The following TOX variants were observed in gnomAD, a reference collection of about 807,000 sequenced individuals.
TOX encodes the protein thymocyte selection associated high mobility group box, also known as thymocyte selection-associated high mobility group box protein TOX.
A neutral mutation model predicts 53.7 loss-of-function variants in TOX; 11 were observed. The ratio of observed to expected loss-of-function variants is 0.20; its 90% CI spans 0.13 to 0.34. The LOEUF is 0.34. Ranked by LOEUF, TOX falls within the 10% of genes least tolerant of loss-of-function variation. TOX has a pLI of 1.00. For missense variants in TOX, 570 were observed against 664.6 expected (o/e 0.86, Z 1.56); for synonymous variants, 225 against 245.3 (o/e 0.92, Z 0.77).
At chr8:58,919,472 A>C (rs1412640701) in intron 3 of TOX, among the ~76,000 whole-genome samples, 4 of 24,860 alleles carry the variant, frequency 1.6e-4, no homozygotes, top group East Asian at 1.7e-3. Flanking sequence ...TCCCTATTTA[A>C]TAAATGGTGC....
At chr8:59,107,402 A>G (rs1323589576) in intron 1 of TOX, among the ~76,000 whole-genome samples, 1 of 152,172 alleles carries the variant, frequency 6.6e-6, no homozygotes, top group Non-Finnish European at 1.5e-5. Flanking sequence ...ATCCATAAAA[A>G]CAGGACCCAG....
intron 2 of TOX, among the ~76,000 whole-genome samples, chr8:58,956,571 T>C (rs1812711164): frequency 1.3e-5 from 2 of 152,202 alleles, no homozygotes; most frequent in South Asian, 4.1e-4. Flanking sequence ...ACAGCTAAAA[T>C]GTACTCACTT....
chr8:59,021,108 C>CAAAA (rs35493437), intron 1 of TOX, among the ~76,000 whole-genome samples: 68 of 91,652 alleles, frequency 7.4e-4, no homozygotes, highest in East Asian at 9.3e-4. Context: ...GACCCTGTCT[C>CAAAA]AAAAAAAAAA....
Position 58,915,253 on chromosome 8 carries a change from A to G in TOX, c.411+24049T>C, listed in dbSNP as rs1286677170. On this transcript the variant is annotated intron_variant, in intron 3 of 8. Coordinates refer to ENST00000361421, the MANE Select transcript of TOX (RefSeq NM_014729.3). ...TAGGCTCCACCTCTGGGGGCAGGGCACAGACAAACAAAAAGACAGCAGTAA... is the reference window on the plus strand; with the variant it reads ...TAGGCTCCACCTCTGGGGGCAGGGCGCAGACAAACAAAAAGACAGCAGTAA... Among the ~76,000 whole-genome samples, 138 of 145,186 alleles carry G rather than the reference A, an allele frequency of 9.5e-4. 1 individual carries two copies. Among genetic ancestry groups the G allele is most frequent in the Middle Eastern group, 3.5e-3 (1 of 284 alleles).
intron 2 of TOX, among the ~76,000 whole-genome samples, chr8:58,956,001 C>T (rs1306373752): frequency 1.3e-5 from 2 of 152,036 alleles, no homozygotes; most frequent in African/African-American, 4.8e-5. Context: ...TCCCAAAGTG[C>T]TGGGATTACA....
rs1447240655 is a variant in TOX at position 58,998,618 on chromosome 8, A to ATGTAATAAATTTATG, written c.103-38611_103-38610insCATAAATTTATTACA. Among the ~76,000 whole-genome samples the ATGTAATAAATTTATG allele has an allele frequency of 1.3e-3, 163 of 121,392 alleles. 3 individuals are homozygous for ATGTAATAAATTTATG. Among genetic ancestry groups the ATGTAATAAATTTATG allele is most frequent in the South Asian group, 3.4e-3 (12 of 3,522 alleles). The allele number at this position is 121,392 out of a possible 152,430, so 79.6% of individuals were successfully genotyped here. A position where few individuals can be genotyped will look rare whatever the true frequency, so the allele number is the denominator to read the frequency against. On this transcript the variant is annotated intron_variant, in intron 1 of 8. Coordinates refer to ENST00000361421, the MANE Select transcript of TOX (RefSeq NM_014729.3). ...TAATAAATTTATGTAATAAATTTAT[A>ATGTAATAAATTTATG]TAATAATATATTTTATATATATAAT...
intron 5 of TOX, among the ~76,000 whole-genome samples, chr8:58,836,959 C>T (rs1022791730): frequency 6.6e-6 from 1 of 152,160 alleles, no homozygotes; most frequent in South Asian, 2.1e-4. Flanking sequence ...ATTTTGTAAT[C>T]TGCAAAATTT....
At chr8:58,817,932 A>C (rs1443190840) in intron 6 of TOX, among the ~76,000 whole-genome samples, 1 of 152,184 alleles carries the variant, frequency 6.6e-6, no homozygotes, top group African/African-American at 2.4e-5. Context: ...TAAAGAAATA[A>C]AAATATCGAA....
At chr8:59,102,228 T>C (rs1460399408) in intron 1 of TOX, among the ~76,000 whole-genome samples, 1 of 149,498 alleles carries the variant, frequency 6.7e-6, no homozygotes, top group African/African-American at 2.6e-5. Flanking sequence ...TCCCGTTTTG[T>C]GTTTGTTTGT....
intron 4 of TOX, among the ~76,000 whole-genome samples, chr8:58,846,727 T>G (rs1024911068): frequency 1.3e-5 from 2 of 152,170 alleles, no homozygotes; most frequent in Non-Finnish European, 2.9e-5. Context: ...GCTTTCATAC[T>G]GAAGATATTG....
Position 58,929,736 on chromosome 8 carries a change from C to T in TOX, c.411+9566G>A, listed in dbSNP as rs187847179. On this transcript the variant is annotated intron_variant, in intron 3 of 8. Coordinates refer to ENST00000361421, the MANE Select transcript of TOX (RefSeq NM_014729.3). ...AGCAAAAAGCAAGTCAAAGACATGG[C>T]AAGCTGAGATATAATCATTTTGTAA... Among the ~76,000 whole-genome samples, 448 of 152,038 alleles carry T rather than the reference C, an allele frequency of 2.9e-3. 5 individuals carry two copies. Among genetic ancestry groups the T allele is most frequent in the African/African-American group, 0.01 (424 of 41,474 alleles).
intron 3 of TOX, among the ~76,000 whole-genome samples, chr8:58,870,963 A>G (rs191723919): frequency 6.6e-6 from 1 of 152,244 alleles, no homozygotes; most frequent in African/African-American, 2.4e-5. Context: ...TTGAAAATGT[A>G]TGTTCATACC....
At chr8:59,000,431 A>T (rs1475140572) in intron 1 of TOX, among the ~76,000 whole-genome samples, 1 of 152,200 alleles carries the variant, frequency 6.6e-6, no homozygotes, top group Non-Finnish European at 1.5e-5. Flanking sequence ...TGGGAAAAAA[A>T]TGAGCTGGAT....
At chr8:58,824,742 C>T (rs182607966) in intron 6 of TOX, among the ~76,000 whole-genome samples, 17 of 152,294 alleles carry the variant, frequency 1.1e-4, no homozygotes, top group African/African-American at 3.4e-4. Context: ...TTTCCCTTGA[C>T]GAAAGAGAAA....
At chr8:58,834,989 T>G (rs1810522613) in intron 5 of TOX, among the ~76,000 whole-genome samples, 1 of 152,218 alleles carries the variant, frequency 6.6e-6, no homozygotes, top group Non-Finnish European at 1.5e-5. Context: ...GGCCTTGTTT[T>G]GGTAACTCTT....
Position 58,809,744 on chromosome 8 carries a change from C to A in TOX, c.1393-1475G>T, listed in dbSNP as rs1056007910. On this transcript the variant is annotated intron_variant, in intron 7 of 8. Transcript: ENST00000361421. ...GTCTAGTTCGATGCTGGGCGAAGGACAGGAGAAAACTCTTGAGAGGAGCCT... is the reference window on the plus strand; with the variant it reads ...GTCTAGTTCGATGCTGGGCGAAGGAAAGGAGAAAACTCTTGAGAGGAGCCT... Among the ~76,000 whole-genome samples the A allele has an allele frequency of 5.9e-5, 9 of 152,192 alleles. No individual in the cohort carries two copies. In the South Asian group the frequency reaches 6.2e-4, roughly 11 times the overall value.
chr8:59,069,768 T>C (rs959325982), intron 1 of TOX, among the ~76,000 whole-genome samples: 7 of 152,012 alleles, frequency 4.6e-5, no homozygotes, highest in Non-Finnish European at 8.8e-5. Context: ...GCCAGAAAGG[T>C]ATAAGAAAAA....
intron 1 of TOX, among the ~76,000 whole-genome samples, chr8:58,973,437 C>G (rs1813035732): frequency 6.6e-6 from 1 of 152,146 alleles, no homozygotes; most frequent in Non-Finnish European, 1.5e-5. Context: ...AAGAAAAGGG[C>G]TTGTGAATAT....
chr8:58,995,452 A>G (rs1358461474), intron 1 of TOX, among the ~76,000 whole-genome samples: 1 of 152,260 alleles, frequency 6.6e-6, no homozygotes, highest in Non-Finnish European at 1.5e-5. Flanking sequence ...AAAGCAGAAC[A>G]GAGATTGCAA....
Sources: gnomAD v4.1 joint callset for allele counts (sites outside exome capture counted in the v4.1 genomes callset) on GRCh38, gnomAD v4.1.1 for gene constraint, MANE v1.5 for transcripts, NCBI Gene and HGNC (gene_info 2026-07-23, HGNC 2026-07-21) for gene names.